The following STX8 variants were observed in gnomAD, a reference collection of about 807,000 sequenced individuals.
The protein encoded by STX8 is syntaxin-8.
In STX8, 23 loss-of-function variants were observed where a neutral mutation model predicts 37.5. The ratio of observed to expected loss-of-function variants is 0.61; its 90% CI spans 0.44 to 0.87. The LOEUF (loss-of-function observed/expected upper bound fraction) is 0.87, where lower values mean the gene tolerates loss of function less well. Ranked by LOEUF, STX8 falls within the 40% of genes least tolerant of loss-of-function variation. STX8 has a pLI of 0.00. For missense variants in STX8, 313 were observed against 284.7 expected (o/e 1.10, Z -0.71); for synonymous variants, 115 against 99.1 (o/e 1.16, Z -0.95).
rs1256130633 is a variant in STX8 at position 9,355,529 on chromosome 17, G to T, written c.643+23023C>A. On this transcript the variant is annotated intron_variant, in intron 7 of 7. Transcript: ENST00000306357. ...TTTTTTTTTTTTTTTTTGAGACGGA[G>T]TCTCATTCTGTCGCCCAGGCTGGAG... is the stretch of plus-strand genomic sequence containing the variant. Among the ~76,000 whole-genome samples, 36 of 145,724 alleles carry T rather than the reference G, an allele frequency of 2.5e-4. 1 individual carries two copies. Among genetic ancestry groups the T allele is most frequent in the South Asian group, 1.5e-3 (7 of 4,574 alleles).
At chr17:9,285,637 G>C (rs1258679201) in intron 7 of STX8, among the ~76,000 whole-genome samples, 1 of 152,110 alleles carries the variant, frequency 6.6e-6, no homozygotes, top group Non-Finnish European at 1.5e-5. Context: ...ATCCAAGCCT[G>C]GTAGTCCCAA....
intron 6 of STX8, among the ~76,000 whole-genome samples, chr17:9,471,151 CTTTTTTTTT>C (rs34907512): frequency 2.0e-5 from 1 of 51,280 alleles, no homozygotes; most frequent in Admixed American, 3.0e-4. Context: ...CCGCACCCTG[CTTTTTTTTT>C]TTTTTTTTTT....
chr17:9,251,593 G>A (rs1031285467), intron 7 of STX8, among the ~76,000 whole-genome samples: 1 of 152,246 alleles, frequency 6.6e-6, no homozygotes, highest in African/African-American at 2.4e-5. Flanking sequence ...AAGTAACAGG[G>A]AGAGCCACGT....
intron 6 of STX8, among the ~76,000 whole-genome samples, chr17:9,475,849 G>C (rs978803876): frequency 6.6e-6 from 1 of 152,172 alleles, no homozygotes; most frequent in African/African-American, 2.4e-5. Context: ...ATCACAGCCT[G>C]TCTTCCCACT....
intron 6 of STX8, among the ~76,000 whole-genome samples, chr17:9,408,974 C>G (rs1032194316): frequency 6.6e-6 from 1 of 152,060 alleles, no homozygotes; most frequent in Non-Finnish European, 1.5e-5. Context: ...GGCCAAGCCA[C>G]AAACTGGAAA....
At chr17:9,454,274 C>T (rs1000924639) in intron 6 of STX8, among the ~76,000 whole-genome samples, 3 of 152,134 alleles carry the variant, frequency 2.0e-5, no homozygotes, top group African/African-American at 7.2e-5. Context: ...GCCGGGAGCA[C>T]GTATGGCATG....
chr17:9,259,523 C>A (rs926934888), intron 7 of STX8, among the ~76,000 whole-genome samples: 1 of 152,128 alleles, frequency 6.6e-6, no homozygotes, highest in Non-Finnish European at 1.5e-5. Context: ...CGAGGCCCGG[C>A]GGTGATGAGG....
intron 6 of STX8, among the ~76,000 whole-genome samples, chr17:9,382,351 A>C (rs1650233761): frequency 6.6e-6 from 1 of 152,238 alleles, no homozygotes; most frequent in Non-Finnish European, 1.5e-5. Context: ...GGCATGCTTA[A>C]ATTCAACTAT....
At chr17:9,462,550 T>C (rs541857239) in intron 6 of STX8, among the ~76,000 whole-genome samples, 1 of 152,148 alleles carries the variant, frequency 6.6e-6, no homozygotes, top group African/African-American at 2.4e-5. Flanking sequence ...GGTGAAACCC[T>C]GTCTCTACTA....
intron 6 of STX8, among the ~76,000 whole-genome samples, chr17:9,453,325 T>A (rs1356524407): frequency 2.0e-5 from 3 of 152,096 alleles, no homozygotes; most frequent in Admixed American, 2.0e-4. Context: ...CATCATTATG[T>A]TTACCCCATG....
intron 6 of STX8, among the ~76,000 whole-genome samples, chr17:9,401,807 A>G (rs989432291): frequency 6.6e-6 from 1 of 152,200 alleles, no homozygotes; most frequent in Non-Finnish European, 1.5e-5. Context: ...AAAGTTAACC[A>G]TGTACTCTTG....
chr17:9,522,477 C>T (rs531970216), intron 4 of STX8, among the ~76,000 whole-genome samples: 1 of 144,434 alleles, frequency 6.9e-6, no homozygotes, highest in Non-Finnish European at 1.5e-5. Context: ...GCAGGTGGAT[C>T]ACGAGGTCAG....
intron 2 of STX8, among the ~76,000 whole-genome samples, chr17:9,561,609 C>T (rs1907234478): frequency 6.9e-6 from 1 of 144,526 alleles, no homozygotes; most frequent in African/African-American, 2.6e-5. Context: ...TGCAGTGAGC[C>T]GAGATTGTGC....
rs552275688 is a variant in STX8 at position 9,483,270 on chromosome 17, C to G, written c.541+8559G>C. Among the ~76,000 whole-genome samples, 3 of 152,134 alleles carry G rather than the reference C, an allele frequency of 2.0e-5. No homozygotes were observed. In the East Asian group the frequency reaches 5.8e-4, roughly 30 times the overall value. On this transcript the variant is annotated intron_variant, in intron 6 of 7. Coordinates refer to ENST00000306357, the MANE Select transcript of STX8 (RefSeq NM_004853.3). ...CATTCCTTGTACCCTTGGCTCATGGCTCCGTTCTCCACGTTCAGAGTCAGC... is the reference window on the plus strand; with the variant it reads ...CATTCCTTGTACCCTTGGCTCATGGGTCCGTTCTCCACGTTCAGAGTCAGC...
At chr17:9,529,842 T>C (rs1252769815) in intron 4 of STX8, among the ~76,000 whole-genome samples, 2 of 152,202 alleles carry the variant, frequency 1.3e-5, no homozygotes, top group African/African-American at 4.8e-5. Context: ...AAAAGCACTG[T>C]AAACAGAGAC....
At chr17:9,267,484 G>A (rs189540030) in intron 7 of STX8, among the ~76,000 whole-genome samples, 21 of 152,264 alleles carry the variant, frequency 1.4e-4, no homozygotes, top group Middle Eastern at 3.4e-3. Context: ...CCCCCGTGTT[G>A]TGTGACACCA....
At chr17:9,462,159 G>A (rs933856384) in intron 6 of STX8, among the ~76,000 whole-genome samples, 1 of 152,070 alleles carries the variant, frequency 6.6e-6, no homozygotes. Flanking sequence ...AGAGAATCAG[G>A]GGAACAAACA....
At chr17:9,266,434 C>T (rs1371463251) in intron 7 of STX8, among the ~76,000 whole-genome samples, 6 of 152,176 alleles carry the variant, frequency 3.9e-5, no homozygotes, top group African/African-American at 1.2e-4. Flanking sequence ...AAACTGATGA[C>T]GCTTGCCTGT....
At chr17:9,459,007 AT>A (rs1905273543) in intron 6 of STX8, among the ~76,000 whole-genome samples, 2 of 151,116 alleles carry the variant, frequency 1.3e-5, no homozygotes, top group African/African-American at 4.9e-5. Flanking sequence ...TGCTTTTTGT[AT>A]TTTTTAGTAG....
Sources: allele counts gnomAD v4.1 joint callset (sites outside exome capture counted in the v4.1 genomes callset), GRCh38; gene constraint gnomAD v4.1.1; transcripts MANE v1.5; gene names NCBI Gene and HGNC (gene_info 2026-07-23, HGNC 2026-07-21).